TRAPPC9: variants seen among roughly 807,000 people sequenced by gnomAD.
TRAPPC9 encodes the protein trafficking protein particle complex subunit 9.
A neutral mutation model predicts 124.0 loss-of-function variants in TRAPPC9; 83 were observed. The ratio of observed to expected loss-of-function variants is 0.67; its 90% CI spans 0.56 to 0.80. The LOEUF is 0.80. TRAPPC9 is among the 30% of genes least tolerant of loss of function. TRAPPC9 has a pLI of 0.00. For missense variants in TRAPPC9, 1,302 were observed against 1,508.3 expected (o/e 0.86, Z 2.27); for synonymous variants, 638 against 617.5 (o/e 1.03, Z -0.49).
At position 139,727,848 on chromosome 8, in the gene TRAPPC9, G is replaced by A. The variant is rs566824852; in HGVS notation, c.*3213C>T. On this transcript the variant is annotated 3_prime_UTR_variant, in exon 23 of 23. Transcript: ENST00000438773. The stretch of plus-strand genomic sequence containing the variant: ...GTTACCTAATACATTAAGCCATGCA[G>A]GGGACTAACGGAGCATAGCAATGTG... Among the ~76,000 whole-genome samples, 1 of 152,274 alleles carries A rather than the reference G, an allele frequency of 6.6e-6. No homozygotes were observed. The highest frequency in any genetic ancestry group is 2.4e-5 in the African/African-American group (1 of 41,550).
At chr8:139,906,893 C>T (rs959470381) in intron 20 of TRAPPC9, among the ~76,000 whole-genome samples, 3 of 152,222 alleles carry the variant, frequency 2.0e-5, no homozygotes, top group East Asian at 3.9e-4. Context: ...TGTGGCCATG[C>T]TCATACCCTG....
chr8:140,428,949 C>T (rs934839432), intron 4 of TRAPPC9, among the ~76,000 whole-genome samples: 2 of 152,146 alleles, frequency 1.3e-5, no homozygotes, highest in African/African-American at 4.8e-5. Context: ...TCCACACTGG[C>T]CAACCCCCTG....
At chr8:140,378,156 C>T (rs907976866) in intron 7 of TRAPPC9, among the ~76,000 whole-genome samples, 1 of 152,146 alleles carries the variant, frequency 6.6e-6, no homozygotes, top group South Asian at 2.1e-4. Flanking sequence ...CACTCTTATA[C>T]CAGGACAACT....
At chr8:140,255,678 G>GA in intron 15 of TRAPPC9, among the ~76,000 whole-genome samples, 1 of 152,360 alleles carries the variant, frequency 6.6e-6, no homozygotes, top group Admixed American at 6.5e-5. Flanking sequence ...CTGAGGCCAG[G>GA]CGTTCGAGGC....
chr8:139,745,562 C>G (rs919794685), intron 21 of TRAPPC9, among the ~76,000 whole-genome samples: 4 of 152,234 alleles, frequency 2.6e-5, no homozygotes, highest in East Asian at 1.9e-4. Context: ...GGGCTGTGCA[C>G]AGAGAGCTGA....
chr8:140,070,093 C>T (rs1228282391), intron 17 of TRAPPC9, among the ~76,000 whole-genome samples: 1 of 152,248 alleles, frequency 6.6e-6, no homozygotes, highest in Non-Finnish European at 1.5e-5. Context: ...CAGGGACACA[C>T]CCAGCGGCAA....
At chr8:139,975,574 T>TA (rs1836384997) in intron 19 of TRAPPC9, among the ~76,000 whole-genome samples, 1 of 152,320 alleles carries the variant, frequency 6.6e-6, no homozygotes, top group South Asian at 2.1e-4. Context: ...TTCAAAAACC[T>TA]ACAAATTCCT....
At chr8:140,366,104 AT>A (rs2068100555) in intron 8 of TRAPPC9, among the ~76,000 whole-genome samples, 1 of 152,222 alleles carries the variant, frequency 6.6e-6, no homozygotes, top group South Asian at 2.1e-4. Context: ...ACATGATCTC[AT>A]TTTTTATGGC....
intron 6 of TRAPPC9, among the ~76,000 whole-genome samples, chr8:140,404,855 T>C (rs908498117): frequency 4.6e-5 from 7 of 151,948 alleles, no homozygotes; most frequent in Non-Finnish European, 1.0e-4. Context: ...CGTGCCTGTG[T>C]GCGGGTGTGA....
intron 19 of TRAPPC9, among the ~76,000 whole-genome samples, chr8:139,946,781 C>G (rs961735587): frequency 6.6e-6 from 1 of 151,246 alleles, no homozygotes; most frequent in Non-Finnish European, 1.5e-5. Flanking sequence ...GAGATCGAGA[C>G]CATCCTGGCT....
At position 140,435,225 on chromosome 8, in the gene TRAPPC9, A is replaced by G. The variant is rs759408470; in HGVS notation, c.746T>C (p.Leu249Ser). The change falls in exon 4 of 23, where the codon TTG (leucine) becomes TCG (serine). Residue 249 changes from leucine to serine, a missense_variant. This residue lies in a region of TRAPPC9 where 657 missense variants were observed against 811.2 expected (regional missense o/e 0.81). Transcript: ENST00000438773. ...FLWLGAALEG[L>S]CSASVIYHYP... ...GTGATAGATGACAGAAGCTGAACAC[A>G]ATCCTTCCAGGGCAGCTGGGCATTA... The G allele has an allele frequency of 6.2e-7, 1 of 1,613,952 alleles. No homozygotes were observed. The highest frequency in any genetic ancestry group is 8.5e-7 in the Non-Finnish European group (1 of 1,179,970).
chr8:140,457,369 G>A (rs554725746), intron 1 of TRAPPC9, among the ~76,000 whole-genome samples: 7 of 152,318 alleles, frequency 4.6e-5, no homozygotes, highest in African/African-American at 1.7e-4. Context: ...GCCGGGTCCC[G>A]GACAGGTGTC....
intron 16 of TRAPPC9, among the ~76,000 whole-genome samples, chr8:140,240,871 C>G (rs960173698): frequency 6.6e-6 from 1 of 152,224 alleles, no homozygotes; most frequent in African/African-American, 2.4e-5. Flanking sequence ...AGTTTCCCAT[C>G]ATACCAGCCT....
intron 17 of TRAPPC9, among the ~76,000 whole-genome samples, chr8:140,183,979 G>C (rs2062289017): frequency 7.6e-6 from 1 of 131,998 alleles, no homozygotes; most frequent in African/African-American, 2.9e-5. Flanking sequence ...GGAGGAGGGA[G>C]GAGGGAGGAG....
At chr8:140,272,746 G>A (rs1159246978) in intron 15 of TRAPPC9, among the ~76,000 whole-genome samples, 1 of 151,840 alleles carries the variant, frequency 6.6e-6, no homozygotes, top group Non-Finnish European at 1.5e-5. Flanking sequence ...AGGGGAGGAG[G>A]CACCAGGCTC....
chr8:139,851,026 C>A (rs1348387520), intron 21 of TRAPPC9, among the ~76,000 whole-genome samples: 1 of 152,316 alleles, frequency 6.6e-6, no homozygotes, highest in South Asian at 2.1e-4. Context: ...GGAACTTTCA[C>A]AAGCATCAGT....
At chr8:139,813,720 A>AG (rs2130758242) in intron 21 of TRAPPC9, among the ~76,000 whole-genome samples, 1 of 152,328 alleles carries the variant, frequency 6.6e-6, no homozygotes, top group African/African-American at 2.4e-5. Context: ...AATGTGTGCA[A>AG]GGCTGCAGAA....
intron 2 of TRAPPC9, among the ~76,000 whole-genome samples, chr8:140,447,703 AT>A (rs1165575451): frequency 6.6e-6 from 1 of 152,164 alleles, no homozygotes. Flanking sequence ...AGTATGGTCA[AT>A]GTGTCAAACC....
chr8:140,306,760 T>C (rs1161249438), intron 10 of TRAPPC9, among the ~76,000 whole-genome samples: 1 of 152,222 alleles, frequency 6.6e-6, no homozygotes. Flanking sequence ...ATGCAGTTCA[T>C]AAAGCGTGCA....
Sources: allele counts gnomAD v4.1 joint callset (sites outside exome capture counted in the v4.1 genomes callset), GRCh38; gene constraint gnomAD v4.1.1; regional missense constraint gnomAD v4.1.1; transcripts MANE v1.5; gene names NCBI Gene and HGNC (gene_info 2026-07-23, HGNC 2026-07-21).